DGKK: variants seen among roughly 807,000 people sequenced by gnomAD.
The protein encoded by DGKK is 142 kDa diacylglycerol kinase.
In DGKK, 35 loss-of-function variants were observed where a neutral mutation model predicts 92.2. That is an observed-to-expected ratio of 0.38 (90% CI 0.29 to 0.50). The LOEUF is 0.50. Among genes scored for constraint, DGKK ranks in the 20% least tolerant of loss-of-function variants. DGKK has a pLI of 0.92. For missense variants in DGKK, 910 were observed against 992.2 expected (o/e 0.92, Z 1.11); for synonymous variants, 368 against 360.6 (o/e 1.02, Z -0.23).
intron 12 of DGKK, among the ~76,000 whole-genome samples, chrX:50,389,769 C>T (rs1602272900): frequency 9.0e-6 from 1 of 110,809 alleles, no homozygotes; most frequent in Admixed American, 9.6e-5. Flanking sequence ...ACTTCAGTTT[C>T]GTGAATATTC....
intron 9 of DGKK, 60 bp downstream of exon 9, chrX:50,393,092 G>A (rs1924741952): frequency 6.2e-6 from 6 of 966,575 alleles, no homozygotes; most frequent in Non-Finnish European, 7.1e-6. Context: ...TTTTAGTTTA[G>A]AATGTATAGA....
chrX:50,376,619 G>A, intron 23 of DGKK, 139 bp downstream of exon 23: 1 of 523,314 alleles, frequency 1.9e-6, no homozygotes, highest in Non-Finnish European at 2.9e-6. Flanking sequence ...GGATTGTGAG[G>A]GTCCCGCTCA....
chrX:50,403,710 T>C, intron 5 of DGKK, 113 bp from the exon 6 acceptor site: 1 of 613,750 alleles, frequency 1.6e-6, no homozygotes, highest in Non-Finnish European at 2.6e-6. Context: ...TAAATAGTTC[T>C]AATGCACCTC....
intron 1 of DGKK, among the ~76,000 whole-genome samples, chrX:50,425,240 G>A (rs1194617432): frequency 1.8e-5 from 2 of 111,456 alleles, no homozygotes; most frequent in African/African-American, 6.5e-5. Context: ...ACCATTGGGT[G>A]GCTGGAGAAG....
intron 1 of DGKK, among the ~76,000 whole-genome samples, chrX:50,443,703 T>TG (rs1557231471): frequency 2.8e-4 from 26 of 91,363 alleles, no homozygotes; most frequent in African/African-American, 1.2e-3. Context: ...ATGCACTCAT[T>TG]TTGTGTGTGT....
intron 1 of DGKK, among the ~76,000 whole-genome samples, chrX:50,465,430 G>C (rs7052144): frequency 0.02 from 2,085 of 103,694 alleles, 56 homozygotes; most frequent in African/African-American, 0.076. Context: ...ATGGCTGCTT[G>C]CTTGCTTTTT....
intron 1 of DGKK, among the ~76,000 whole-genome samples, chrX:50,429,023 A>C (rs1271760449): frequency 8.9e-6 from 1 of 111,819 alleles, no homozygotes; most frequent in African/African-American, 3.3e-5. Flanking sequence ...AAATTGGAAG[A>C]AGCAAGGTAA....
intron 8 of DGKK, among the ~76,000 whole-genome samples, chrX:50,395,025 G>T (rs868939068): frequency 1.8e-4 from 20 of 109,269 alleles, no homozygotes; most frequent in African/African-American, 5.4e-4. Flanking sequence ...TGGAGTGAGT[G>T]GGGGGGGAGT....
chrX:50,427,174 A>G, intron 1 of DGKK, among the ~76,000 whole-genome samples: 1 of 112,098 alleles, frequency 8.9e-6, no homozygotes, highest in Middle Eastern at 4.6e-3. Flanking sequence ...AGTAATAAAA[A>G]TAAATGCACT....
At chrX:50,464,477 T>C (rs782492070) in intron 1 of DGKK, among the ~76,000 whole-genome samples, 31 of 110,300 alleles carry the variant, frequency 2.8e-4, no homozygotes, top group Non-Finnish European at 5.5e-4. Context: ...AATTAAAATG[T>C]GTGTATCTAG....
At chrX:50,419,332 C>T (rs1557228873) in intron 4 of DGKK, among the ~76,000 whole-genome samples, 1 of 111,399 alleles carries the variant, frequency 9.0e-6, no homozygotes, top group Non-Finnish European at 1.9e-5. Flanking sequence ...ACTAAGTGGT[C>T]AAAAGCCTGA....
intron 1 of DGKK, among the ~76,000 whole-genome samples, chrX:50,465,660 T>C (rs1926882571): frequency 9.0e-6 from 1 of 111,054 alleles, no homozygotes; most frequent in African/African-American, 3.3e-5. Context: ...TCTGGGAGCA[T>C]CAGAAGTGGA....
rs186246189 is a variant in DGKK, at chrX:50,440,995, T to C, written c.646-16637A>G. Among the ~76,000 whole-genome samples, 4 of 111,733 alleles carry C rather than the reference T, an allele frequency of 3.6e-5. No homozygotes were observed. The East Asian group carries it at 1.1e-3, about 32-fold the overall frequency. Reference sequence around the variant, plus strand: ...CCCATTTGCCTTCAATCCTCATGGCTTCCTGGTGAGCAGAACTTCCACTTT... The same window carrying C: ...CCCATTTGCCTTCAATCCTCATGGCCTCCTGGTGAGCAGAACTTCCACTTT... On this transcript the variant is annotated intron_variant, in intron 1 of 27. Transcript: ENST00000611977.
At chrX:50,406,181 G>C (rs1925150097) in intron 4 of DGKK, among the ~76,000 whole-genome samples, 1 of 112,031 alleles carries the variant, frequency 8.9e-6, no homozygotes, top group Admixed American at 9.5e-5. Flanking sequence ...TCAGAGCTCT[G>C]CCTGGGTATA....
At chrX:50,391,403 A>G in intron 11 of DGKK, 34 bp downstream of exon 11, 1 of 1,205,018 alleles carries the variant, frequency 8.3e-7, no homozygotes, top group Non-Finnish European at 1.1e-6. Flanking sequence ...TGGGACAGGA[A>G]GAGGCACAAG....
intron 1 of DGKK, among the ~76,000 whole-genome samples, chrX:50,447,359 TA>T (rs1926357165): frequency 6.7e-5 from 1 of 15,007 alleles, no homozygotes; most frequent in Non-Finnish European, 9.3e-5. Flanking sequence ...ATATATATAA[TA>T]TATATATATT....
chrX:50,470,535 C>G lies in DGKK; in HGVS notation c.144G>C (p.Glu48Asp). 1.7e-6 allele frequency: 2 copies of G among 1,210,436 alleles called. No homozygotes were observed. Among genetic ancestry groups the G allele is most frequent in the Non-Finnish European group, 2.2e-6 (2 of 895,335 alleles). ...APPPAPPLLS[E>D]ASPEPIPEPC... ...GCTCTGGTATGGGTTCTGGCGAAGCCTCGGAGAGCAGCGGCGGAGCCGGCG... is the reference window on the plus strand; with the variant it reads ...GCTCTGGTATGGGTTCTGGCGAAGCGTCGGAGAGCAGCGGCGGAGCCGGCG... Residue 48 changes from glutamate to aspartate, a missense_variant, in exon 1 of 28, where the codon GAG (glutamate) becomes GAC (aspartate). Coordinates refer to ENST00000611977, the MANE Select transcript of DGKK (RefSeq NM_001013742.4).
chrX:50,409,285 A>G (rs782723783), intron 4 of DGKK, among the ~76,000 whole-genome samples: 7 of 108,306 alleles, frequency 6.5e-5, no homozygotes, highest in Non-Finnish European at 1.3e-4. Context: ...AACACGAAGA[A>G]TTACCAGCAA....
chrX:50,426,667 A>C (rs1397739707), intron 1 of DGKK, among the ~76,000 whole-genome samples: 1 of 111,737 alleles, frequency 8.9e-6, no homozygotes, highest in Non-Finnish European at 1.9e-5. Flanking sequence ...TATAGGAATA[A>C]GTTTTCTATA....
Sources: allele counts gnomAD v4.1 joint callset (sites outside exome capture counted in the v4.1 genomes callset), GRCh38; gene constraint gnomAD v4.1.1; transcripts MANE v1.5; gene names NCBI Gene and HGNC (gene_info 2026-07-23, HGNC 2026-07-21).